ATP10A: variants seen among roughly 807,000 people sequenced by gnomAD.
ATP10A encodes ATPase phospholipid transporting 10A (putative).
Under a neutral mutation model 147.8 loss-of-function variants are expected in ATP10A, and 111 were observed. That is an observed-to-expected ratio of 0.75 (90% CI 0.64 to 0.88). The LOEUF (loss-of-function observed/expected upper bound fraction) is 0.88. Among genes scored for constraint, ATP10A ranks in the 40% least tolerant of loss-of-function variants. The pLI is 0.00. For synonymous variants in ATP10A, 875 were observed against 841.6 expected (o/e 1.04, Z -0.69); for missense variants, 1,927 against 1,959.0 (o/e 0.98, Z 0.31).
downstream of ATP10A, among the ~76,000 whole-genome samples, chr15:25,674,213 G>A (rs1345212993): frequency 6.6e-5 from 10 of 152,226 alleles, no homozygotes; most frequent in Admixed American, 6.5e-4. Context: ...GCTGGGTGAT[G>A]AGGCAGAGCC....
intron 1 of ATP10A, among the ~76,000 whole-genome samples, chr15:25,817,295 C>T (rs2140835509): frequency 6.6e-6 from 1 of 152,200 alleles, no homozygotes; most frequent in Middle Eastern, 3.4e-3. Flanking sequence ...GTTGGTCAGG[C>T]TGGTCTCAAA....
At chr15:25,697,679 A>G (rs1325032312) in intron 13 of ATP10A, among the ~76,000 whole-genome samples, 10 of 152,248 alleles carry the variant, frequency 6.6e-5, no homozygotes, top group Non-Finnish European at 1.5e-4. Flanking sequence ...TAAATCATCT[A>G]TGTAGATACT....
chr15:25,816,278 G>C (rs1891652288), intron 1 of ATP10A, among the ~76,000 whole-genome samples: 1 of 151,198 alleles, frequency 6.6e-6, no homozygotes, highest in Non-Finnish European at 1.5e-5. Context: ...TGACCAGGCT[G>C]GTCTCAAACT....
intron 1 of ATP10A, among the ~76,000 whole-genome samples, chr15:25,802,221 G>A (rs530690232): frequency 7.2e-5 from 11 of 152,290 alleles, no homozygotes; most frequent in East Asian, 5.8e-4. Flanking sequence ...GTGTGCCTGC[G>A]CCGCAGCACA....
At chr15:25,720,621 G>A (rs574305375) in intron 7 of ATP10A, among the ~76,000 whole-genome samples, 58 of 152,216 alleles carry the variant, frequency 3.8e-4, no homozygotes, top group African/African-American at 1.3e-3. Flanking sequence ...GAGAGGAGAG[G>A]GAGGCCGAAG....
At chr15:25,815,847 A>G (rs1424825301) in intron 1 of ATP10A, among the ~76,000 whole-genome samples, 1 of 151,856 alleles carries the variant, frequency 6.6e-6, no homozygotes, top group African/African-American at 2.4e-5. Context: ...TTTGCTTTAT[A>G]TAGAGTATCT....
chr15:25,832,172 G>C (rs1892385803), intron 1 of ATP10A, among the ~76,000 whole-genome samples: 1 of 152,220 alleles, frequency 6.6e-6, no homozygotes, highest in African/African-American at 2.4e-5. Flanking sequence ...CACAGACGCA[G>C]GAAGAGGCAA....
chr15:25,864,665 T>A (rs1893913543), upstream of ATP10A, among the ~76,000 whole-genome samples: 1 of 152,158 alleles, frequency 6.6e-6, no homozygotes, highest in Admixed American at 6.5e-5. Flanking sequence ...TTTTGACATG[T>A]AGAGGCCCAG....
chr15:25,839,159 A>C (rs1047216087), intron 1 of ATP10A, among the ~76,000 whole-genome samples: 4 of 152,230 alleles, frequency 2.6e-5, no homozygotes, highest in African/African-American at 9.6e-5. Context: ...CCAGTGTCAC[A>C]GGTGAAGGGC....
In ATP10A at chr15:25,694,847, G is replaced by A. The variant is rs1220922249; in HGVS notation, c.3060C>T (p.Ser1020=). Reference sequence around the variant, plus strand: ...TGGCCAGGGTCATGGCCTTGAGCTTGCTCCGCACCAGCTTCACCACCATGC... The same window carrying A: ...TGGCCAGGGTCATGGCCTTGAGCTTACTCCGCACCAGCTTCACCACCATGC... ...QKSMVVKLVR[S]KLKAMTLAIG... Residue 1020 remains serine, a synonymous_variant, in exon 14 of 21, where the codon AGC becomes AGT. Transcript: ENST00000555815. The A allele has an allele frequency of 1.2e-6, 2 of 1,613,400 alleles. No homozygotes were observed. The highest frequency in any genetic ancestry group is 2.7e-5 in the African/African-American group (2 of 74,946).
chr15:25,819,453 G>A (rs1028354290), intron 1 of ATP10A, among the ~76,000 whole-genome samples: 1 of 152,096 alleles, frequency 6.6e-6, no homozygotes, highest in Non-Finnish European at 1.5e-5. Context: ...AGAGAAAAGG[G>A]AACGCTTAAA....
intron 13 of ATP10A, among the ~76,000 whole-genome samples, chr15:25,695,689 C>G (rs957992314): frequency 6.6e-6 from 1 of 152,096 alleles, no homozygotes; most frequent in African/African-American, 2.4e-5. Context: ...ACCCATGATA[C>G]AGTGCAGAGG....
chr15:25,732,216 C>G (rs1185436063), intron 3 of ATP10A, among the ~76,000 whole-genome samples: 4 of 152,244 alleles, frequency 2.6e-5, no homozygotes, highest in African/African-American at 7.2e-5. Context: ...ACTACCACCA[C>G]CAGCTAATAT....
At chr15:25,802,235 C>G (rs555020153) in intron 1 of ATP10A, among the ~76,000 whole-genome samples, 1 of 152,188 alleles carries the variant, frequency 6.6e-6, no homozygotes, top group Non-Finnish European at 1.5e-5. Context: ...CAGCACAGAC[C>G]GAGCTGTTCT....
intron 1 of ATP10A, among the ~76,000 whole-genome samples, chr15:25,833,180 A>G (rs986743802): frequency 2.0e-5 from 3 of 151,896 alleles, no homozygotes; most frequent in African/African-American, 4.8e-5. Context: ...ACGGGTTTTC[A>G]CCATGTTGGC....
intron 1 of ATP10A, among the ~76,000 whole-genome samples, chr15:25,812,852 A>C (rs554661101): frequency 6.6e-6 from 1 of 152,348 alleles, no homozygotes; most frequent in African/African-American, 2.4e-5. Flanking sequence ...AGATAGAATA[A>C]AAGTGCAGTG....
intron 2 of ATP10A, among the ~76,000 whole-genome samples, chr15:25,777,778 C>CTT (rs141645308): frequency 0.021 from 2,552 of 123,866 alleles, 70 homozygotes; most frequent in Middle Eastern, 0.036. Context: ...TTTTTTCTTT[C>CTT]TTTCTTTTTT....
intron 2 of ATP10A, among the ~76,000 whole-genome samples, chr15:25,744,181 C>G (rs754923375): frequency 7.2e-5 from 11 of 152,122 alleles, no homozygotes; most frequent in Non-Finnish European, 1.3e-4. Flanking sequence ...CAGAACACTG[C>G]TGAGCTCCTT....
chr15:25,763,352 C>T (rs780387124), intron 2 of ATP10A, among the ~76,000 whole-genome samples: 7 of 152,130 alleles, frequency 4.6e-5, no homozygotes, highest in Non-Finnish European at 8.8e-5. Context: ...TATCAGCAAC[C>T]AGTGAGTCCG....
Sources: allele counts gnomAD v4.1 joint callset (sites outside exome capture counted in the v4.1 genomes callset), GRCh38; gene constraint gnomAD v4.1.1; transcripts MANE v1.5; gene names NCBI Gene and HGNC (gene_info 2026-07-23, HGNC 2026-07-21).